The following ERC2 variants were observed in gnomAD, a reference collection of about 807,000 sequenced individuals.
The protein encoded by ERC2 is ERC protein 2.
Under a neutral mutation model 114.8 loss-of-function variants are expected in ERC2, and 42 were observed. The ratio of observed to expected loss-of-function variants is 0.37; its 90% confidence interval spans 0.29 to 0.47. ERC2 has a LOEUF of 0.47. Among genes scored for constraint, ERC2 ranks in the 20% least tolerant of loss-of-function variants. The probability of loss-of-function intolerance (pLI) is 0.99; values close to 1 mark genes in which losing one functional copy is unlikely to be tolerated. For missense variants in ERC2, 939 were observed against 1,150.7 expected (o/e 0.82, Z 2.66); for synonymous variants, 454 against 425.5 (o/e 1.07, Z -0.82).
chr3:55,691,530 T>C (rs1403486234), intron 16 of ERC2, among the ~76,000 whole-genome samples: 1 of 109,770 alleles, frequency 9.1e-6, no homozygotes, highest in Non-Finnish European at 1.7e-5. Context: ...GGCCATGACA[T>C]TAGATTTGCA....
At chr3:56,077,083 G>T (rs541762813) in intron 7 of ERC2, among the ~76,000 whole-genome samples, 1 of 152,252 alleles carries the variant, frequency 6.6e-6, no homozygotes, top group South Asian at 2.1e-4. Context: ...ATCCAAGCCT[G>T]CCCTAAAACA....
intron 4 of ERC2, among the ~76,000 whole-genome samples, chr3:56,159,735 C>T (rs894223282): frequency 2.6e-5 from 4 of 152,152 alleles, no homozygotes; most frequent in African/African-American, 7.2e-5. Context: ...TTAACTCCCA[C>T]TTATAAGTGA....
intron 3 of ERC2, among the ~76,000 whole-genome samples, chr3:56,285,855 T>C (rs1444192163): frequency 6.6e-6 from 1 of 152,166 alleles, no homozygotes; most frequent in South Asian, 2.1e-4. Context: ...AACACAGGTA[T>C]TTAAAAAGAG....
chr3:55,679,900 T>C (rs2061979893), intron 17 of ERC2, among the ~76,000 whole-genome samples: 1 of 152,174 alleles, frequency 6.6e-6, no homozygotes, highest in Non-Finnish European at 1.5e-5. Context: ...CCAGACCCTG[T>C]CCGCTAAAAG....
intron 4 of ERC2, among the ~76,000 whole-genome samples, chr3:56,162,095 G>C (rs890076163): frequency 2.6e-5 from 4 of 152,044 alleles, no homozygotes; most frequent in Admixed American, 6.6e-5. Context: ...TATCATGAAG[G>C]GATGTTGGAT....
At chr3:56,211,568 CCAGCATTCTTCA>C (rs1006068399) in intron 3 of ERC2, among the ~76,000 whole-genome samples, 4 of 151,944 alleles carry the variant, frequency 2.6e-5, no homozygotes, top group African/African-American at 4.8e-5. Context: ...CAAAATACCA[CCAGCATTCTTCA>C]CAGAAGTAGA....
chr3:55,567,308 G>A (rs147373929), intron 17 of ERC2, among the ~76,000 whole-genome samples: 9 of 152,270 alleles, frequency 5.9e-5, no homozygotes, highest in South Asian at 4.1e-4. Context: ...ATAGACCTGC[G>A]CAAAGGCCCT....
intron 7 of ERC2, among the ~76,000 whole-genome samples, chr3:56,032,917 A>AGAG (rs1560056305): frequency 2.5e-4 from 19 of 76,018 alleles, no homozygotes; most frequent in Admixed American, 3.5e-4. Flanking sequence ...GAAAGAAAGA[A>AGAG]AGAAAGAAAG....
At chr3:56,027,898 T>A (rs984259348) in intron 7 of ERC2, among the ~76,000 whole-genome samples, 1 of 152,186 alleles carries the variant, frequency 6.6e-6, no homozygotes, top group Non-Finnish European at 1.5e-5. Context: ...TTTTCTCCTA[T>A]AGTTTTTCTA....
At chr3:55,840,471 T>C (rs916962371) in intron 14 of ERC2, among the ~76,000 whole-genome samples, 3 of 151,606 alleles carry the variant, frequency 2.0e-5, no homozygotes, top group African/African-American at 4.8e-5. Flanking sequence ...ATTAAAAGGA[T>C]TGACCATACC....
intron 14 of ERC2, among the ~76,000 whole-genome samples, chr3:55,776,032 C>T (rs552552231): frequency 2.0e-5 from 3 of 152,154 alleles, no homozygotes; most frequent in Non-Finnish European, 4.4e-5. Flanking sequence ...TGAGACAGAA[C>T]CTATCCTCAC....
At chr3:56,312,016 G>C (rs1202516376) in intron 2 of ERC2, among the ~76,000 whole-genome samples, 1 of 152,146 alleles carries the variant, frequency 6.6e-6, no homozygotes, top group Non-Finnish European at 1.5e-5. Flanking sequence ...CATTTACACT[G>C]TGTTAGGTAG....
intron 2 of ERC2, among the ~76,000 whole-genome samples, chr3:56,395,788 C>T (rs184754770): frequency 4.1e-4 from 63 of 152,244 alleles, no homozygotes; most frequent in Admixed American, 1.1e-3. Flanking sequence ...AATGCAAGAA[C>T]GGCCTCAGAC....
At chr3:56,127,482 C>T (rs528920709) in intron 6 of ERC2, among the ~76,000 whole-genome samples, 37 of 152,250 alleles carry the variant, frequency 2.4e-4, no homozygotes, top group African/African-American at 8.7e-4. Context: ...AATCCCAGCA[C>T]TGTGGGAGGC....
At chr3:56,046,912 C>T (rs1321422300) in intron 7 of ERC2, among the ~76,000 whole-genome samples, 1 of 152,190 alleles carries the variant, frequency 6.6e-6, no homozygotes, top group East Asian at 1.9e-4. Context: ...ACAGCACATG[C>T]AGAATTTACA....
chr3:55,528,320 G>C (rs1347870590), intron 17 of ERC2, among the ~76,000 whole-genome samples: 1 of 152,226 alleles, frequency 6.6e-6, no homozygotes, highest in Non-Finnish European at 1.5e-5. Flanking sequence ...AAGATTCTTT[G>C]TAAACTAATA....
intron 14 of ERC2, among the ~76,000 whole-genome samples, chr3:55,778,603 A>G (rs1373056715): frequency 6.6e-6 from 1 of 152,212 alleles, no homozygotes; most frequent in East Asian, 1.9e-4. Context: ...CAAAGCTGTA[A>G]GATAAATGTC....
chr3:56,015,959 T>C (rs1360917521), intron 8 of ERC2, among the ~76,000 whole-genome samples: 1 of 152,204 alleles, frequency 6.6e-6, no homozygotes, highest in African/African-American at 2.4e-5. Flanking sequence ...TAATGATCAG[T>C]GATGTTGAGC....
chr3:55,608,331 C>T (rs1380214118), intron 17 of ERC2, among the ~76,000 whole-genome samples: 4 of 152,230 alleles, frequency 2.6e-5, no homozygotes, highest in Middle Eastern at 3.4e-3. Flanking sequence ...TTAGGTTTTC[C>T]CTCCACCAAG....
Sources: allele counts gnomAD v4.1 joint callset (sites outside exome capture counted in the v4.1 genomes callset), GRCh38; gene constraint gnomAD v4.1.1; transcripts MANE v1.5; gene names NCBI Gene and HGNC (gene_info 2026-07-23, HGNC 2026-07-21).